The following HMGB1 variants were observed in gnomAD, a reference collection of about 807,000 sequenced individuals.
HMGB1 encodes high mobility group protein B1.
For synonymous variants in HMGB1, 81 were observed against 84.0 expected (o/e 0.96, Z 0.19); for missense variants, 79 against 253.5 (o/e 0.31, Z 4.67).
At position 30,553,494 on chromosome 13, in the gene HMGB1, T is replaced by C. The variant is rs548251564; in HGVS notation, c.-15+63177A>G. Among the ~76,000 whole-genome samples the C allele has an allele frequency of 3.8e-3, 574 of 152,336 alleles. 5 individuals carry two copies. Among genetic ancestry groups the C allele is most frequent in the African/African-American group, 0.013 (540 of 41,566 alleles). ...ATGAAGATAATACTTTATAGGAGTATGGTAATGACTTCATAGGGGTATGGT... is the reference window on the plus strand; with the variant it reads ...ATGAAGATAATACTTTATAGGAGTACGGTAATGACTTCATAGGGGTATGGT... On this transcript the variant is annotated intron_variant, in intron 1 of 4. Coordinates refer to the HMGB1 transcript ENST00000405805.
intron 1 of HMGB1, among the ~76,000 whole-genome samples, chr13:30,521,185 G>A (rs1888230593): frequency 2.0e-5 from 3 of 152,112 alleles, no homozygotes; most frequent in Non-Finnish European, 4.4e-5. Context: ...ATTATCAATG[G>A]CCTTTGTGTT....
At chr13:30,464,265 T>C (rs961541557) in intron 1 of HMGB1, 1 of 985,350 alleles carries the variant, frequency 1.0e-6, no homozygotes, top group African/African-American at 1.7e-5. Flanking sequence ...GGGGTGGCGG[T>C]GCCACCGCGA....
intron 2 of HMGB1, 48 bp from the exon 3 acceptor site, chr13:30,463,400 T>C (rs1886483064): frequency 2.6e-6 from 4 of 1,557,420 alleles, no homozygotes; most frequent in South Asian, 2.4e-5. Context: ...TTAAGTAAAT[T>C]ATCCTCAAAA....
intron 1 of HMGB1, chr13:30,464,663 C>G (rs1304302715): frequency 2.0e-6 from 2 of 982,558 alleles, no homozygotes; most frequent in East Asian, 2.3e-4. Flanking sequence ...CCCGCGGCCG[C>G]CGGGGCCGGC....
At chr13:30,579,308 T>C (rs779613453) in intron 1 of HMGB1, among the ~76,000 whole-genome samples, 1 of 152,164 alleles carries the variant, frequency 6.6e-6, no homozygotes, top group Non-Finnish European at 1.5e-5. Flanking sequence ...AAGAGGATAG[T>C]AAAAAAATCA....
At chr13:30,537,678 TATATATATATATATATATAA>T (rs1427565298) in intron 1 of HMGB1, among the ~76,000 whole-genome samples, 4 of 118,028 alleles carry the variant, frequency 3.4e-5, no homozygotes, top group Non-Finnish European at 7.4e-5. Context: ...TATATATATA[TATATATATATATATATATAA>T]AATTGATGTA....
At chr13:30,591,190 C>T (rs1011015015) in intron 1 of HMGB1, among the ~76,000 whole-genome samples, 2 of 151,802 alleles carry the variant, frequency 1.3e-5, no homozygotes, top group Non-Finnish European at 2.9e-5. Context: ...ACCATCACAC[C>T]CAGCTAATCT....
intron 1 of HMGB1, among the ~76,000 whole-genome samples, chr13:30,534,400 C>A (rs1302452863): frequency 6.6e-6 from 1 of 152,094 alleles, no homozygotes; most frequent in African/African-American, 2.4e-5. Context: ...ATATAATACC[C>A]TTCACGTTGG....
chr13:30,460,262 CTT>C lies in HMGB1; in HGVS notation c.*1093_*1094del, dbSNP rs61338778. The C allele has an allele frequency of 6.6e-6, 1 of 151,640 alleles. No homozygotes were observed. Among genetic ancestry groups the C allele is most frequent in the Admixed American group, 6.6e-5 (1 of 15,188 alleles). 9.4% of individuals were successfully genotyped at this position (151,640 alleles called of 1,614,324 possible). Reference sequence around the variant, plus strand: ...ATATACCCTATTTTGAATGTGGCATCTTTGTTTGAAAAGCTGGCCCAATTAAT... The same window carrying C: ...ATATACCCTATTTTGAATGTGGCATCTGTTTGAAAAGCTGGCCCAATTAAT... On this transcript the variant is annotated 3_prime_UTR_variant, in exon 5 of 5. Transcript: ENST00000341423.
chr13:30,538,715 C>A (rs1241030715), intron 1 of HMGB1, among the ~76,000 whole-genome samples: 3 of 78,854 alleles, frequency 3.8e-5, no homozygotes, highest in Non-Finnish European at 7.9e-5. Flanking sequence ...TTCTTTCTTT[C>A]TTCTTTTTCT....
intron 1 of HMGB1, among the ~76,000 whole-genome samples, chr13:30,534,441 T>C (rs1265907733): frequency 1.7e-5 from 1 of 60,030 alleles, no homozygotes; most frequent in Non-Finnish European, 3.3e-5. Context: ...AAAATGGTCA[T>C]TTTTTTTTCC....
At chr13:30,538,703 TTTTCTTTCTTTCTTC>T (rs1868686921) in intron 1 of HMGB1, among the ~76,000 whole-genome samples, 4 of 115,262 alleles carry the variant, frequency 3.5e-5, no homozygotes. Flanking sequence ...CTTTCTTTCT[TTTTCTTTCTTTCTTC>T]TTTTTCTTTC....
In HMGB1 at chr13:30,571,092, G is replaced by A. The variant is rs1870402193; in HGVS notation, c.-15+45579C>T. ...CATAAATTCAAATTTAAAAGAATAA[G>A]AGTAGCTAGAAGGTGGAAGAAAAAT... On this transcript the variant is annotated intron_variant, in intron 1 of 4. Coordinates refer to the HMGB1 transcript ENST00000405805. Among the ~76,000 whole-genome samples, 5 of 152,272 alleles carry A rather than the reference G, an allele frequency of 3.3e-5. No homozygotes were observed. In the South Asian group the frequency reaches 1.0e-3, roughly 32 times the overall value.
intron 1 of HMGB1, among the ~76,000 whole-genome samples, chr13:30,490,838 C>G (rs1426225043): frequency 6.6e-6 from 1 of 151,874 alleles, no homozygotes; most frequent in East Asian, 1.9e-4. Context: ...GTAGGCTTTC[C>G]TGAAGACGTG....
intron 1 of HMGB1, among the ~76,000 whole-genome samples, chr13:30,474,951 C>CTTTTTTTTTTT (rs1887041427): frequency 3.6e-5 from 1 of 28,096 alleles, no homozygotes; most frequent in African/African-American, 1.4e-4. Flanking sequence ...TTTTTCTTTT[C>CTTTTTTTTTTT]TTTTTTTGTT....
chr13:30,516,580 A>G (rs952041582), intron 1 of HMGB1, among the ~76,000 whole-genome samples: 1 of 152,158 alleles, frequency 6.6e-6, no homozygotes. Context: ...AAAACTGACA[A>G]ACTTTTAAAT....
intron 1 of HMGB1, among the ~76,000 whole-genome samples, chr13:30,505,048 G>A (rs529943875): frequency 3.3e-5 from 5 of 151,816 alleles, no homozygotes; most frequent in African/African-American, 1.2e-4. Context: ...TCGGCTCACT[G>A]CAACCTCTGC....
At chr13:30,613,365 G>A (rs1950530481) in intron 1 of HMGB1, among the ~76,000 whole-genome samples, 1 of 152,106 alleles carries the variant, frequency 6.6e-6, no homozygotes, top group Admixed American at 6.5e-5. Context: ...ATATCTAGAA[G>A]TTGCATGCTA....
At chr13:30,547,616 G>A (rs1869221448) in intron 1 of HMGB1, among the ~76,000 whole-genome samples, 1 of 151,864 alleles carries the variant, frequency 6.6e-6, no homozygotes, top group Admixed American at 6.6e-5. Context: ...TTACAAACAG[G>A]ACTTTAGATT....
Sources: gnomAD v4.1 joint callset for allele counts (sites outside exome capture counted in the v4.1 genomes callset) on GRCh38, gnomAD v4.1.1 for gene constraint, MANE v1.5 for transcripts, NCBI Gene and HGNC (gene_info 2026-07-23, HGNC 2026-07-21) for gene names.